The following ADARB1 variants were observed in gnomAD, a reference collection of about 807,000 sequenced individuals.
ADARB1 encodes adenosine deaminase RNA specific B1.
A neutral mutation model predicts 52.4 loss-of-function variants in ADARB1; 10 were observed. The observed-to-expected ratio is 0.19, with a 90% CI of 0.12 to 0.32. The LOEUF (loss-of-function observed/expected upper bound fraction) is 0.32. ADARB1 is among the 10% of genes least tolerant of loss of function. The probability of loss-of-function intolerance (pLI) is 1.00; values close to 1 mark genes in which losing one functional copy is unlikely to be tolerated. For missense variants in ADARB1, 643 were observed against 922.3 expected (o/e 0.70, Z 3.92); for synonymous variants, 349 against 371.1 (o/e 0.94, Z 0.68).
intron 9 of ADARB1, among the ~76,000 whole-genome samples, chr21:45,211,933 G>A (rs1403745709): frequency 6.6e-6 from 1 of 152,200 alleles, no homozygotes; most frequent in African/African-American, 2.4e-5. Context: ...CCCAGAAAAA[G>A]CGTATGGTTA....
chr21:45,165,378 ATTC>A (rs1248758137), intron 2 of ADARB1, among the ~76,000 whole-genome samples: 1 of 152,168 alleles, frequency 6.6e-6, no homozygotes, highest in Non-Finnish European at 1.5e-5. Flanking sequence ...GTACATTATT[ATTC>A]TTATTTTAAT....
chr21:45,208,287 T>C lies in ADARB1; in HGVS notation c.1747+3551T>C, dbSNP rs2092702608. 6.6e-6 allele frequency among the ~76,000 whole-genome samples: 1 copy of C among 152,198 alleles called. No homozygotes were observed. The highest frequency in any genetic ancestry group is 1.9e-4 in the East Asian group (1 of 5,198). On this transcript the variant is annotated intron_variant, in intron 9 of 10. Transcript: ENST00000348831. This position sits in a 1 kb window ranked among gnomAD's most constrained non-coding sequence, Gnocchi z 5.6. ...GGGACCTTGTTGACAGACAGCCTGC[T>C]CCGGGGTTTGCAGACAAGGCTTCCT...
intron 1 of ADARB1, among the ~76,000 whole-genome samples, chr21:45,088,262 TA>T (rs1305398213): frequency 2.6e-5 from 4 of 152,110 alleles, no homozygotes; most frequent in Non-Finnish European, 2.9e-5. Flanking sequence ...CAGTTGCTGA[TA>T]AAAATAAGCA....
intron 1 of ADARB1, among the ~76,000 whole-genome samples, chr21:45,094,719 G>A (rs528856854): frequency 2.0e-5 from 3 of 152,092 alleles, no homozygotes; most frequent in African/African-American, 4.8e-5. Context: ...CCAACCTCTC[G>A]CATCATGTTG....
rs779804752 is a variant in ADARB1 at position 45,124,769 on chromosome 21, GTGTGTGTGTGTGTGTGT to G, written c.-219-3632_-219-3616del. On this transcript the variant is annotated intron_variant, in intron 1 of 10. Coordinates refer to ENST00000348831, the MANE Select transcript of ADARB1 (RefSeq NM_001112.4). ...TGTATTTCTTTTCTTTTTAAATGGT[GTGTGTGTGTGTGTGTGT>G]ATGTGTGTGTGTGTGTGTGTGTGTG... 7.3e-3 allele frequency among the ~76,000 whole-genome samples: 1,080 copies of G among 148,328 alleles called. 6 individuals carry two copies. Among genetic ancestry groups the G allele is most frequent in the African/African-American group, 0.017 (667 of 40,116 alleles).
chr21:45,152,716 AT>A (rs1569078689), intron 2 of ADARB1: 1 of 427,022 alleles, frequency 2.3e-6, no homozygotes, highest in Admixed American at 2.5e-5. Flanking sequence ...AAGGTAATTC[AT>A]TTAGTTTTTA....
At chr21:45,205,354 C>T (rs1372701144) in intron 9 of ADARB1, among the ~76,000 whole-genome samples, 1 of 152,242 alleles carries the variant, frequency 6.6e-6, no homozygotes, top group Non-Finnish European at 1.5e-5. Flanking sequence ...CTCACTCAGG[C>T]ACTGTATTCA....
intron 8 of ADARB1, 72 bp downstream of exon 8, chr21:45,185,163 T>G: frequency 1.3e-6 from 2 of 1,530,472 alleles, no homozygotes; most frequent in Non-Finnish European, 1.8e-6. Context: ...CCAACCTCCC[T>G]TTTCCACAAC....
At chr21:45,089,324 A>G (rs2086472338) in intron 1 of ADARB1, among the ~76,000 whole-genome samples, 1 of 152,178 alleles carries the variant, frequency 6.6e-6, no homozygotes, top group Non-Finnish European at 1.5e-5. Flanking sequence ...TCAACATAAA[A>G]AGTTGAAAAA....
chr21:45,135,290 G>A (rs888744510), intron 2 of ADARB1, among the ~76,000 whole-genome samples: 1 of 152,230 alleles, frequency 6.6e-6, no homozygotes, highest in Non-Finnish European at 1.5e-5. Context: ...CCTCCGCCCT[G>A]TTCCTTGGCA....
chr21:45,149,379 T>A (rs1405088101), intron 2 of ADARB1, among the ~76,000 whole-genome samples: 4 of 152,256 alleles, frequency 2.6e-5, no homozygotes, highest in African/African-American at 9.6e-5. Flanking sequence ...CCCTGCTGTC[T>A]CTGGGCCTGT....
intron 2 of ADARB1, among the ~76,000 whole-genome samples, chr21:45,143,545 C>T (rs569970167): frequency 4.5e-4 from 68 of 152,170 alleles, no homozygotes; most frequent in Non-Finnish European, 7.4e-4. Flanking sequence ...GATTAAAGCC[C>T]GTGTCCAAGA....
At chr21:45,186,096 G>C (rs2092095743) in intron 8 of ADARB1, among the ~76,000 whole-genome samples, 1 of 152,168 alleles carries the variant, frequency 6.6e-6, no homozygotes, top group Admixed American at 6.5e-5. Context: ...TGTCAACTTT[G>C]TGTGTGTGTG....
intron 1 of ADARB1, among the ~76,000 whole-genome samples, chr21:45,121,588 C>CT (rs2088192969): frequency 6.6e-6 from 1 of 152,164 alleles, no homozygotes; most frequent in Admixed American, 6.5e-5. Context: ...GCTTTTGGTA[C>CT]TTTCTGTCTC....
chr21:45,209,042 G>T (rs1191277329), intron 9 of ADARB1, among the ~76,000 whole-genome samples: 1 of 151,996 alleles, frequency 6.6e-6, no homozygotes, highest in Non-Finnish European at 1.5e-5. Context: ...CTGACCAGTG[G>T]TTACCCCAAT....
Position 45,222,717 on chromosome 21 carries a change from A to G in ADARB1, c.*520A>G. The G allele has an allele frequency of 1.0e-6, 1 of 986,152 alleles. No individual in the cohort carries two copies. Among genetic ancestry groups the G allele is most frequent in the Non-Finnish European group, 1.2e-6 (1 of 830,490 alleles). The allele number at this position is 986,152 out of a possible 1,614,324, so 61.1% of individuals were successfully genotyped here. Reference sequence around the variant, plus strand: ...AGGTAGGAAATAGTAGCCTAAAGGAAATCGCCACACGTCTGTCTAAACTTA... The same window carrying G: ...AGGTAGGAAATAGTAGCCTAAAGGAGATCGCCACACGTCTGTCTAAACTTA... On this transcript the variant is annotated 3_prime_UTR_variant, in exon 11 of 11. Coordinates refer to ENST00000348831, the MANE Select transcript of ADARB1 (RefSeq NM_001112.4).
intron 4 of ADARB1, among the ~76,000 whole-genome samples, chr21:45,178,942 G>A (rs2091816380): frequency 6.6e-6 from 1 of 152,164 alleles, no homozygotes; most frequent in Non-Finnish European, 1.5e-5. Flanking sequence ...TCACTCTGAA[G>A]TTAAAGTTCT....
chr21:45,170,375 G>C (rs977140146), intron 2 of ADARB1, among the ~76,000 whole-genome samples: 1 of 152,168 alleles, frequency 6.6e-6, no homozygotes, highest in Non-Finnish European at 1.5e-5. Context: ...TCTAGCACAA[G>C]TGCTTTGCAC....
intron 9 of ADARB1, among the ~76,000 whole-genome samples, chr21:45,218,144 G>A (rs1304759005): frequency 4.6e-5 from 7 of 151,912 alleles, no homozygotes; most frequent in East Asian, 1.9e-4. Context: ...TATATTTTCC[G>A]TTCCCCCTTC....
Sources: gnomAD v4.1 joint callset for allele counts (sites outside exome capture counted in the v4.1 genomes callset) on GRCh38, gnomAD v4.1.1 for gene constraint, Gnocchi (gnomAD v3.1) non-coding constraint, MANE v1.5 for transcripts, NCBI Gene and HGNC (gene_info 2026-07-23, HGNC 2026-07-21) for gene names.